The following OR51C1 variants were observed in gnomAD, a reference collection of about 807,000 sequenced individuals.
OR51C1 encodes olfactory receptor OR51C1.
the OR51C1 span, among the ~76,000 whole-genome samples, chr11:4,694,821 G>A: frequency 6.6e-6 from 1 of 152,104 alleles, no homozygotes; most frequent in East Asian, 1.9e-4. Context: ...TGGAGTGTGT[G>A]CATACATGAA....
the OR51C1 span, among the ~76,000 whole-genome samples, chr11:4,697,425 C>G: frequency 2.0e-5 from 3 of 152,172 alleles, no homozygotes; most frequent in Non-Finnish European, 4.4e-5. Context: ...ACTGATTAAA[C>G]CATTTGACTA....
chr11:4,696,173 A>G, the OR51C1 span, among the ~76,000 whole-genome samples: 1 of 152,144 alleles, frequency 6.6e-6, no homozygotes, highest in Non-Finnish European at 1.5e-5. Context: ...AAAGTAAATA[A>G]AATACTGTGG....
At chr11:4,693,606 A>G in the OR51C1 span, among the ~76,000 whole-genome samples, 1 of 152,172 alleles carries the variant, frequency 6.6e-6, no homozygotes, top group African/African-American at 2.4e-5. Context: ...CTGTAGTTCC[A>G]GCTACTGGGG....
chr11:4,697,399 A>T, the OR51C1 span, among the ~76,000 whole-genome samples: 1 of 152,242 alleles, frequency 6.6e-6, no homozygotes, highest in Admixed American at 6.5e-5. Context: ...ACTGACTGTG[A>T]TAAATATATC....
the OR51C1 span, among the ~76,000 whole-genome samples, chr11:4,696,768 G>A: frequency 6.6e-6 from 1 of 152,062 alleles, no homozygotes; most frequent in Non-Finnish European, 1.5e-5. Flanking sequence ...TTACAATGAT[G>A]CTCCTCTTTC....
At chr11:4,692,729 G>C in the OR51C1 span, among the ~76,000 whole-genome samples, 1 of 151,972 alleles carries the variant, frequency 6.6e-6, no homozygotes, top group African/African-American at 2.4e-5. Context: ...AAAAGAAAGG[G>C]TGCTGGGTGG....
chr11:4,694,551 TAC>T, the OR51C1 span, among the ~76,000 whole-genome samples: 2,965 of 129,794 alleles, frequency 0.023, 121 homozygotes, highest in African/African-American at 0.076. Context: ...TATATATATA[TAC>T]ACACACACAT....
the OR51C1 span, among the ~76,000 whole-genome samples, chr11:4,696,034 A>T: frequency 7.9e-5 from 12 of 152,136 alleles, no homozygotes; most frequent in Admixed American, 7.9e-4. Flanking sequence ...GCTGTGGCAA[A>T]GTTTCTGGTT....
chr11:4,693,137 G>C, the OR51C1 span, among the ~76,000 whole-genome samples: 1 of 152,160 alleles, frequency 6.6e-6, no homozygotes, highest in Non-Finnish European at 1.5e-5. Context: ...ATAAATATTT[G>C]AGGTGATGGA....
At chr11:4,695,179 C>T in the OR51C1 span, among the ~76,000 whole-genome samples, 2 of 152,132 alleles carry the variant, frequency 1.3e-5, no homozygotes, top group Non-Finnish European at 1.5e-5. Context: ...AAGAGCCAGA[C>T]ATTTCTAACA....
At chr11:4,690,600 T>C in the OR51C1 span, 1 of 264,538 alleles carries the variant, frequency 3.8e-6, no homozygotes, top group African/African-American at 2.3e-5. Context: ...GTAGTCAAAC[T>C]AGCTGATGTT....
chr11:4,697,724 G>C, the OR51C1 span: 6 of 152,750 alleles, frequency 3.9e-5, 1 homozygote, highest in Admixed American at 6.5e-5. Context: ...TAGATTCCAG[G>C]GGAGGGCCGA....
At chr11:4,696,366 CAT>C in the OR51C1 span, among the ~76,000 whole-genome samples, 8 of 152,136 alleles carry the variant, frequency 5.3e-5, no homozygotes, top group African/African-American at 1.2e-4. Flanking sequence ...CACACACACA[CAT>C]GTGTGCACAC....
At chr11:4,696,607 A>G in the OR51C1 span, among the ~76,000 whole-genome samples, 1 of 152,154 alleles carries the variant, frequency 6.6e-6, no homozygotes. Flanking sequence ...ATATCCTTAG[A>G]AGGAGGCACT....
At chr11:4,693,645 T>C in the OR51C1 span, among the ~76,000 whole-genome samples, 4 of 152,070 alleles carry the variant, frequency 2.6e-5, no homozygotes, top group Non-Finnish European at 4.4e-5. Flanking sequence ...GGAGTGAACC[T>C]GGAAGGCGGA....
chr11:4,695,899 C>T, the OR51C1 span, among the ~76,000 whole-genome samples: 1 of 152,064 alleles, frequency 6.6e-6, no homozygotes, highest in Non-Finnish European at 1.5e-5. Flanking sequence ...CATATGCTCT[C>T]CTTGAGATAT....
chr11:4,697,273 C>G, the OR51C1 span, among the ~76,000 whole-genome samples: 1 of 152,170 alleles, frequency 6.6e-6, no homozygotes, highest in Non-Finnish European at 1.5e-5. Context: ...ACCCAGTTTC[C>G]TCATCTATAA....
the OR51C1 span, among the ~76,000 whole-genome samples, chr11:4,694,968 T>A: frequency 6.6e-6 from 1 of 152,252 alleles, no homozygotes; most frequent in South Asian, 2.1e-4. Flanking sequence ...TGCAGTGCCG[T>A]TGATAAAATG....
chr11:4,694,573 T>TAC, the OR51C1 span, among the ~76,000 whole-genome samples: 3,107 of 118,920 alleles, frequency 0.026, 123 homozygotes, highest in African/African-American at 0.076. Flanking sequence ...TACATATATA[T>TAC]ATACACACAC....
Sources: allele counts gnomAD v4.1 joint callset (sites outside exome capture counted in the v4.1 genomes callset), GRCh38; gene constraint gnomAD v4.1.1; transcripts MANE v1.5; gene names NCBI Gene and HGNC (gene_info 2026-07-23, HGNC 2026-07-21).